ZCCHC3: variants seen among roughly 807,000 people sequenced by gnomAD.
ZCCHC3 encodes zinc finger CCHC-type containing 3.
ZCCHC3 carries 20 observed loss-of-function variants against 18.4 expected under a neutral mutation model. The ratio of observed to expected loss-of-function variants is 1.09; its 90% confidence interval spans 0.76 to 1.58. The LOEUF (loss-of-function observed/expected upper bound fraction) is 1.58, where lower values mean the gene tolerates loss of function less well. Among genes scored for constraint, ZCCHC3 ranks in the 40% most tolerant of loss-of-function variants. The pLI, the probability that ZCCHC3 is intolerant of heterozygous loss-of-function variation, is 0.00. For missense variants in ZCCHC3, 548 were observed against 511.2 expected, an observed-to-expected ratio of 1.07 and a Z score of -0.69; for synonymous variants, 310 against 232.7, an observed-to-expected ratio of 1.33 and a Z score of -3.02.
In ZCCHC3 at chr20:298,113, G is replaced by A. The variant is rs752008005; in HGVS notation, c.527G>A (p.Gly176Asp). 17 of 1,600,088 alleles carry A rather than the reference G, an allele frequency of 1.1e-5. No individual in the cohort carries two copies. Among genetic ancestry groups the A allele is most frequent in the East Asian group, 4.5e-5 (2 of 44,622 alleles). ...LVRICFQGDEGACPTRDFVVG... is the reference protein window; with the variant it reads ...LVRICFQGDEDACPTRDFVVG... ...CGCATCTGTTTCCAGGGAGACGAGG[G>A]CGCCTGCCCGACCCGGGACTTCGTG... Residue 176 changes from glycine to aspartate, a missense_variant, in exon 1 of 1, where the codon GGC becomes GAC. Coordinates refer to ENST00000500893, the MANE Select transcript of ZCCHC3 (RefSeq NM_033089.7).
chr20:297,572 TG>T lies in ZCCHC3; in HGVS notation c.-12del. 1.5e-6 allele frequency: 2 copies of T among 1,338,616 alleles called. No homozygotes were observed. Among genetic ancestry groups the T allele is most frequent in the Non-Finnish European group, 1.9e-6 (2 of 1,041,070 alleles). The allele number at this position is 1,338,616 out of a possible 1,614,324, so 82.9% of individuals were successfully genotyped here. ...GGCTGCGGGAGCGAGTGGAGGATGC[TG>T]GGAAGGAGGTAAAATGGCCACCGGC... On this transcript the variant is annotated 5_prime_UTR_variant, in exon 1 of 1. Transcript: ENST00000500893.
chr20:298,803 C>A lies in ZCCHC3; in HGVS notation c.*5C>A, dbSNP rs751191179. On this transcript the variant is annotated 3_prime_UTR_variant, in exon 1 of 1. Coordinates refer to ENST00000500893, the MANE Select transcript of ZCCHC3 (RefSeq NM_033089.7). ...ACCGGCGTGGCCGGGCACTAAACACCCGCCTGCCTGCCAGGGTGAACACAC... is the reference window on the plus strand; with the variant it reads ...ACCGGCGTGGCCGGGCACTAAACACACGCCTGCCTGCCAGGGTGAACACAC... 1 of 1,503,040 alleles carries A rather than the reference C, an allele frequency of 6.7e-7. No homozygotes were observed. The highest frequency in any genetic ancestry group is 8.9e-7 in the Non-Finnish European group (1 of 1,124,624). The allele number at this position is 1,503,040 out of a possible 1,614,324, so 93.1% of individuals were successfully genotyped here. A position where few individuals can be genotyped will look rare whatever the true frequency, so the allele number is the denominator to read the frequency against.
chr20:297,874 T>C lies in ZCCHC3; in HGVS notation c.288T>C (p.Asp96=), dbSNP rs2223665. 707,619 of 1,245,002 alleles carry C rather than the reference T, an allele frequency of 0.57. 202,740 individuals carry two copies. The highest frequency in any genetic ancestry group is 0.71 in the Middle Eastern group (2,333 of 3,284). 77.1% of individuals were successfully genotyped at this position (1,245,002 alleles called of 1,614,324 possible). ...LGDFPPAGRG[D]PKGRRRDPAG... Reference sequence around the variant, plus strand: ...ACTTCCCACCGGCTGGCCGCGGGGATCCGAAGGGCCGTCGGAGAGATCCGG... The same window carrying C: ...ACTTCCCACCGGCTGGCCGCGGGGACCCGAAGGGCCGTCGGAGAGATCCGG... The change falls in exon 1 of 1, where the codon GAT becomes GAC. Residue 96 remains aspartate (D), a synonymous_variant. Transcript: ENST00000500893.
chr20:299,015 G>A lies in ZCCHC3; in HGVS notation c.*217G>A, dbSNP rs559258427. The stretch of plus-strand genomic sequence containing the variant: ...TAACGACTGCGGAGAACTGTAGCGT[G>A]CAGATGTGTTGCCCCTCCCTTTTAA... On this transcript the variant is annotated 3_prime_UTR_variant, in exon 1 of 1. Coordinates refer to ENST00000500893, the MANE Select transcript of ZCCHC3 (RefSeq NM_033089.7). 5.4e-5 allele frequency: 23 copies of A among 428,624 alleles called. No individual in the cohort carries two copies. Among genetic ancestry groups the A allele is most frequent in the Middle Eastern group, 5.6e-4 (1 of 1,796 alleles). The allele number at this position is 428,624 out of a possible 1,614,324, so 26.6% of individuals were successfully genotyped here.
Position 299,068 on chromosome 20 carries a change from ATTTGT to A in ZCCHC3, c.*278_*282del, listed in dbSNP as rs903607997. The stretch of plus-strand genomic sequence containing the variant: ...TTTTATTTTCGTTTTTCTATTGGGT[ATTTGT>A]TTTGTTTCTTGTACTTTTTCTCTCT... On this transcript the variant is annotated 3_prime_UTR_variant, in exon 1 of 1. Transcript: ENST00000500893. The A allele has an allele frequency of 3.4e-5, 12 of 350,622 alleles. No individual in the cohort carries two copies. The highest frequency in any genetic ancestry group is 6.4e-5 in the Non-Finnish European group (12 of 187,472). 21.7% of individuals were successfully genotyped at this position (350,622 alleles called of 1,614,324 possible).
chr20:298,394 G>C lies in ZCCHC3; in HGVS notation c.808G>C (p.Val270Leu), dbSNP rs1474878898. 2 of 781,986 alleles carry C rather than the reference G, an allele frequency of 2.6e-6. No individual in the cohort carries two copies. Among genetic ancestry groups the C allele is most frequent in the Non-Finnish European group, 4.8e-6 (2 of 419,026 alleles). 48.4% of individuals were successfully genotyped at this position (781,986 alleles called of 1,614,324 possible). Residue 270 changes from valine to leucine, a missense_variant, in exon 1 of 1, where the codon GTG (valine) becomes CTG (leucine). Coordinates refer to ENST00000500893, the MANE Select transcript of ZCCHC3 (RefSeq NM_033089.7). ...RNETVDVEDI[V>L]TWLKRHCDVL... ...CGAGACGGTGGACGTGGAGGACATT[G>C]TGACTTGGCTCAAGCGCCACTGCGA...
rs1466856818 is a variant in ZCCHC3, at chr20:298,062, G to T, written c.476G>T (p.Gly159Val). 6.7e-7 allele frequency: 1 copy of T among 1,497,726 alleles called. No individual in the cohort carries two copies. The highest frequency in any genetic ancestry group is 9.0e-7 in the Non-Finnish European group (1 of 1,115,336). The allele number at this position is 1,497,726 out of a possible 1,614,324, so 92.8% of individuals were successfully genotyped here. A position where few individuals can be genotyped will look rare whatever the true frequency, so the allele number is the denominator to read the frequency against. ...PLQDEPAAAA[G>V]PGKGRFLVRI... ...CAGGATGAGCCGGCGGCGGCGGCAG[G>T]CCCGGGCAAGGGTCGCTTCCTCGTC... Residue 159 changes from glycine to valine, a missense_variant, in exon 1 of 1, where the codon GGC (glycine) becomes GTC (valine). Coordinates refer to ENST00000500893, the MANE Select transcript of ZCCHC3 (RefSeq NM_033089.7).
chr20:299,769 C>T lies in ZCCHC3; in HGVS notation c.*971C>T, dbSNP rs542858627. 1 of 167,348 alleles carries T rather than the reference C, an allele frequency of 6.0e-6. No individual in the cohort carries two copies. Among genetic ancestry groups the T allele is most frequent in the African/African-American group, 2.4e-5 (1 of 41,568 alleles). The allele number at this position is 167,348 out of a possible 1,614,324, so 10.4% of individuals were successfully genotyped here. Reference sequence around the variant, plus strand: ...GCCCAGAGGAATGCTGAGAAATCACCTGGAGGAGGGAGCAGAAAGAGAAGG... The same window carrying T: ...GCCCAGAGGAATGCTGAGAAATCACTTGGAGGAGGGAGCAGAAAGAGAAGG... On this transcript the variant is annotated 3_prime_UTR_variant, in exon 1 of 1. Coordinates refer to ENST00000500893, the MANE Select transcript of ZCCHC3 (RefSeq NM_033089.7).
chr20:298,869 A>T lies in ZCCHC3; in HGVS notation c.*71A>T, dbSNP rs1009423738. On this transcript the variant is annotated 3_prime_UTR_variant, in exon 1 of 1. Transcript: ENST00000500893. ...CTTAAGTGCCAAAACTTTTTTTTAA[A>T]CCATTTTTTATCGTTTTTGAAGGAG... 1.4e-6 allele frequency: 2 copies of T among 1,453,126 alleles called. No individual in the cohort carries two copies. Among genetic ancestry groups the T allele is most frequent in the Non-Finnish European group, 1.8e-6 (2 of 1,098,050 alleles). 90.0% of individuals were successfully genotyped at this position (1,453,126 alleles called of 1,614,324 possible).
Position 298,166 on chromosome 20 carries a change from G to C in ZCCHC3, c.580G>C (p.Gly194Arg). Residue 194 changes from glycine to arginine, a missense_variant, in exon 1 of 1, where the codon GGC (glycine) becomes CGC (arginine). Gly to Arg is a moderately radical substitution (Grantham distance 125). Coordinates refer to ENST00000500893, the MANE Select transcript of ZCCHC3 (RefSeq NM_033089.7). ...AGGAGCGCTTATCCTGCGCTCCATC[G>C]GCATGGACCCGAGCGACATCTACGC... ...VVGALILRSI[G>R]MDPSDIYAVI... is the part of the protein sequence containing the mutation. 1 of 1,501,480 alleles carries C rather than the reference G, an allele frequency of 6.7e-7. No individual in the cohort carries two copies. The allele number at this position is 1,501,480 out of a possible 1,614,324, so 93.0% of individuals were successfully genotyped here. A position where few individuals can be genotyped will look rare whatever the true frequency, so the allele number is the denominator to read the frequency against.
rs774937980 is a variant in ZCCHC3, at chr20:298,256, C to G, written c.670C>G (p.Leu224Val). 1.1e-6 allele frequency: 1 copy of G among 911,808 alleles called. No individual in the cohort carries two copies. The highest frequency in any genetic ancestry group is 1.9e-6 in the Non-Finnish European group (1 of 537,742). 56.5% of individuals were successfully genotyped at this position (911,808 alleles called of 1,614,324 possible). A position where few individuals can be genotyped will look rare whatever the true frequency, so the allele number is the denominator to read the frequency against. The change falls in exon 1 of 1, where the codon CTG becomes GTG. Residue 224 changes from leucine to valine, a missense_variant. Physicochemically the swap from Leu to Val is conservative, Grantham distance 32. Coordinates refer to ENST00000500893, the MANE Select transcript of ZCCHC3 (RefSeq NM_033089.7). The stretch of plus-strand genomic sequence containing the variant: ...CTTCCGCTCAGCGGAGAAGCTGGCC[C>G]TGTTCCTACGCGTCTACGAGGAGAA... ...VSFRSAEKLALFLRVYEEKRE... is the reference protein window; with the variant it reads ...VSFRSAEKLAVFLRVYEEKRE...
chr20:297,645 C>T lies in ZCCHC3; in HGVS notation c.59C>T (p.Pro20Leu), dbSNP rs922222224. 3 of 1,371,346 alleles carry T rather than the reference C, an allele frequency of 2.2e-6. No homozygotes were observed. Among genetic ancestry groups the T allele is most frequent in the Admixed American group, 3.8e-5 (1 of 26,006 alleles). The allele number at this position is 1,371,346 out of a possible 1,614,324, so 84.9% of individuals were successfully genotyped here. A position where few individuals can be genotyped will look rare whatever the true frequency, so the allele number is the denominator to read the frequency against. ...AAACGGGGGCGGCCGCAGCTTCTGCCCCCCGCGCGGCCCGCGGCCCGGGGC... is the reference window on the plus strand; with the variant it reads ...AAACGGGGGCGGCCGCAGCTTCTGCTCCCCGCGCGGCCCGCGGCCCGGGGC... ...ERKRGRPQLL[P>L]PARPAARGEE... Residue 20 changes from proline to leucine, a missense_variant, in exon 1 of 1, where the codon CCC becomes CTC. By Grantham distance (98) the Pro-to-Leu change is moderately conservative. Coordinates refer to ENST00000500893, the MANE Select transcript of ZCCHC3 (RefSeq NM_033089.7).
Position 298,949 on chromosome 20 carries a change from C to T in ZCCHC3, c.*151C>T. The T allele has an allele frequency of 2.4e-6, 2 of 823,690 alleles. No homozygotes were observed. The highest frequency in any genetic ancestry group is 3.2e-5 in the East Asian group (1 of 31,386). 51.0% of individuals were successfully genotyped at this position (823,690 alleles called of 1,614,324 possible). ...TCTATGCCTTCTTAAACCGAGTTTA[C>T]TCCATTTCAGCCTGTTCTGAATTGG... On this transcript the variant is annotated 3_prime_UTR_variant, in exon 1 of 1. Coordinates refer to ENST00000500893, the MANE Select transcript of ZCCHC3 (RefSeq NM_033089.7).
chr20:298,969 A>T lies in ZCCHC3; in HGVS notation c.*171A>T. The T allele has an allele frequency of 3.3e-6, 2 of 605,904 alleles. No individual in the cohort carries two copies. Among genetic ancestry groups the T allele is most frequent in the African/African-American group, 1.9e-5 (1 of 52,014 alleles). 37.5% of individuals were successfully genotyped at this position (605,904 alleles called of 1,614,324 possible). On this transcript the variant is annotated 3_prime_UTR_variant, in exon 1 of 1. Coordinates refer to ENST00000500893, the MANE Select transcript of ZCCHC3 (RefSeq NM_033089.7). Reference sequence around the variant, plus strand: ...GTTTACTCCATTTCAGCCTGTTCTGAATTGGTGACTCTGTCACCAATAACG... The same window carrying T: ...GTTTACTCCATTTCAGCCTGTTCTGTATTGGTGACTCTGTCACCAATAACG...
chr20:297,823 G>A lies in ZCCHC3; in HGVS notation c.237G>A (p.Ala79=). Residue 79 remains alanine, a synonymous_variant, in exon 1 of 1, where the codon GCG becomes GCA. Coordinates refer to ENST00000500893, the MANE Select transcript of ZCCHC3 (RefSeq NM_033089.7). Reference sequence around the variant, plus strand: ...GGAGCGCCGGGCTCGGCGGCCCCGCGGGCCTGGCGGCGCCGGACCTCGGCG... The same window carrying A: ...GGAGCGCCGGGCTCGGCGGCCCCGCAGGCCTGGCGGCGCCGGACCTCGGCG... ...GGGSAGLGGP[A]GLAAPDLGDF... The A allele has an allele frequency of 2.4e-6, 3 of 1,262,656 alleles. No individual in the cohort carries two copies. The highest frequency in any genetic ancestry group is 3.2e-5 in the East Asian group (1 of 30,894). The allele number at this position is 1,262,656 out of a possible 1,614,324, so 78.2% of individuals were successfully genotyped here.
rs564666167 is a variant in ZCCHC3 at position 299,818 on chromosome 20, A to G, written c.*1020A>G. 2.4e-5 allele frequency: 4 copies of G among 167,356 alleles called. No homozygotes were observed. The East Asian group carries it at 7.7e-4, about 32-fold the overall frequency. 10.4% of individuals were successfully genotyped at this position (167,356 alleles called of 1,614,324 possible). A position where few individuals can be genotyped will look rare whatever the true frequency, so the allele number is the denominator to read the frequency against. ...GGTTTTTAAGGAGGGGCTTCTGAAT[A>G]CTTGGGAGATACGGAACGGACCAAG... is the stretch of plus-strand genomic sequence containing the variant. On this transcript the variant is annotated 3_prime_UTR_variant, in exon 1 of 1. Transcript: ENST00000500893.
At position 300,139 on chromosome 20, in the gene ZCCHC3, A is replaced by AGGCCAAGCGAGAGG. The variant is rs374936391; in HGVS notation, c.*1342_*1355dup. Reference sequence around the variant, plus strand: ...TAACTCTAAAATGTACTTGGGAGATAGGCCAAGCGAGAGGTCATGGGCCAA... The same window carrying AGGCCAAGCGAGAGG: ...TAACTCTAAAATGTACTTGGGAGATAGGCCAAGCGAGAGGGGCCAAGCGAGAGGTCATGGGCCAA... On this transcript the variant is annotated 3_prime_UTR_variant, in exon 1 of 1. Transcript: ENST00000500893. 25 of 167,250 alleles carry AGGCCAAGCGAGAGG rather than the reference A, an allele frequency of 1.5e-4. No homozygotes were observed. The highest frequency in any genetic ancestry group is 5.5e-4 in the African/African-American group (23 of 41,588). The allele number at this position is 167,250 out of a possible 1,614,324, so 10.4% of individuals were successfully genotyped here. A position where few individuals can be genotyped will look rare whatever the true frequency, so the allele number is the denominator to read the frequency against.
chr20:298,840 C>T lies in ZCCHC3; in HGVS notation c.*42C>T. ...CAGGGTGAACACACAGCCAGCTTAT[C>T]CCTCTTAAGTGCCAAAACTTTTTTT... On this transcript the variant is annotated 3_prime_UTR_variant, in exon 1 of 1. Coordinates refer to ENST00000500893, the MANE Select transcript of ZCCHC3 (RefSeq NM_033089.7). The T allele has an allele frequency of 2.0e-6, 3 of 1,477,946 alleles. No individual in the cohort carries two copies. The South Asian group carries it at 4.4e-5, about 21-fold the overall frequency. The allele number at this position is 1,477,946 out of a possible 1,614,324, so 91.6% of individuals were successfully genotyped here. A position where few individuals can be genotyped will look rare whatever the true frequency, so the allele number is the denominator to read the frequency against.
Position 297,774 on chromosome 20 carries a change from A to AGGAGGAAAGCGGCGGCGGT in ZCCHC3, c.194_212dup (p.Ser72LysfsTer88). 7.3e-7 allele frequency: 1 copy of AGGAGGAAAGCGGCGGCGGT among 1,373,980 alleles called. No individual in the cohort carries two copies. Among genetic ancestry groups the AGGAGGAAAGCGGCGGCGGT allele is most frequent in the Non-Finnish European group, 9.4e-7 (1 of 1,059,286 alleles). The allele number at this position is 1,373,980 out of a possible 1,614,324, so 85.1% of individuals were successfully genotyped here. On this transcript the variant is annotated frameshift_variant, in exon 1 of 1. Transcript: ENST00000500893. LOFTEE classifies it high-confidence loss of function. ...CGCGAGCCGCGGCCGCCGCGGCGGG[A>AGGAGGAAAGCGGCGGCGGT]GGAGGAAAGCGGCGGCGGTGGAGGG... is the stretch of plus-strand genomic sequence containing the variant.
Sources: gnomAD v4.1 joint callset for allele counts on GRCh38, gnomAD v4.1.1 for gene constraint, MANE v1.5 for transcripts, NCBI Gene and HGNC (gene_info 2026-07-23, HGNC 2026-07-21) for gene names.